Variants in USP24 observed in about 807,000 individuals in gnomAD.
The protein encoded by USP24 is ubiquitin carboxyl-terminal hydrolase 24.
USP24 carries 97 observed loss-of-function variants against 361.6 expected under a neutral mutation model. That is an observed-to-expected ratio of 0.27 (90% CI 0.23 to 0.32). The LOEUF is 0.32. Among genes scored for constraint, USP24 ranks in the 10% least tolerant of loss-of-function variants. The probability of loss-of-function intolerance (pLI) is 1.00; values close to 1 mark genes in which losing one functional copy is unlikely to be tolerated. For missense variants in USP24, 2,353 were observed against 3,165.6 expected, an observed-to-expected ratio of 0.74 and a Z score of 6.16; for synonymous variants, 1,098 against 1,124.6, an observed-to-expected ratio of 0.98 and a Z score of 0.47.
In USP24 at chr1:55,073,840, G is replaced by T; in HGVS notation, c.7514C>A (p.Thr2505Asn). Residue 2505 changes from threonine to asparagine, a missense_variant, in exon 64 of 68, where the codon ACT becomes AAT. Thr to Asn is a moderately conservative substitution (Grantham distance 65, BLOSUM62 0). Around this residue, in one of 8 missense-constraint regions of USP24, gnomAD observed 598 missense variants for 761.9 expected, o/e 0.78. Transcript: ENST00000294383. ...ATTCAATACTTACTTTTGAGCAAGA[G>T]TGACAAGAAATTTGACACACTGGTA... is the stretch of plus-strand genomic sequence containing the variant. ...RCYQCVKFLV[T>N]LAQKCPAAKE... The T allele has an allele frequency of 6.3e-7, 1 of 1,574,912 alleles. No homozygotes were observed. The highest frequency in any genetic ancestry group is 8.6e-7 in the Non-Finnish European group (1 of 1,159,310).
At chr1:55,180,499 C>T (rs898457657) in intron 1 of USP24, among the ~76,000 whole-genome samples, 1 of 152,184 alleles carries the variant, frequency 6.6e-6, no homozygotes, top group African/African-American at 2.4e-5. Context: ...ATCAAGTCAT[C>T]CCCAGACTTA....
intron 21 of USP24, 72 bp downstream of exon 21, chr1:55,144,055 C>CTT (rs201656425): frequency 8.3e-5 from 90 of 1,083,630 alleles, no homozygotes; most frequent in East Asian, 3.9e-4. Flanking sequence ...AATTATAACA[C>CTT]TTTTTTTTTT....
chr1:55,199,279 ACT>A (rs1335667647), intron 1 of USP24, among the ~76,000 whole-genome samples: 3 of 151,900 alleles, frequency 2.0e-5, no homozygotes, highest in East Asian at 1.9e-4. Flanking sequence ...ACAGAGCGAG[ACT>A]CTGTTTCCAA....
At chr1:55,125,211 A>G (rs1379355602) in intron 34 of USP24, 109 bp downstream of exon 34, 3 of 1,030,738 alleles carry the variant, frequency 2.9e-6, no homozygotes. Context: ...AAATTTCTTG[A>G]AGGCAATATT....
rs762196438 is a variant in USP24, at chr1:55,157,385, T to A, written c.1228-15A>T. The A allele has an allele frequency of 7.1e-7, 1 of 1,399,506 alleles. No individual in the cohort carries two copies. The highest frequency in any genetic ancestry group is 9.9e-7 in the Non-Finnish European group (1 of 1,011,804). The allele number at this position is 1,399,506 out of a possible 1,614,324, so 86.7% of individuals were successfully genotyped here. ...AGTTTGGTTACCTAAAAAGATAAGA[T>A]TATTGTGACTGAGTCTAATATACAT... On this transcript the variant is annotated splice_polypyrimidine_tract_variant and intron_variant, in intron 10 of 67. Transcript: ENST00000294383.
At chr1:55,192,993 T>C (rs945928481) in intron 1 of USP24, among the ~76,000 whole-genome samples, 6 of 152,212 alleles carry the variant, frequency 3.9e-5, no homozygotes, top group South Asian at 2.1e-4. Flanking sequence ...GTTCAACCAA[T>C]TGTGAACTGA....
At chr1:55,186,671 C>T (rs1644140823) in intron 1 of USP24, among the ~76,000 whole-genome samples, 1 of 152,042 alleles carries the variant, frequency 6.6e-6, no homozygotes, top group Admixed American at 6.5e-5. Flanking sequence ...CACAGAAAAA[C>T]AAATATTATA....
At chr1:55,163,514 G>A (rs1196583096) in intron 7 of USP24, among the ~76,000 whole-genome samples, 1 of 151,904 alleles carries the variant, frequency 6.6e-6, no homozygotes, top group Non-Finnish European at 1.5e-5. Context: ...AAATGCTCAA[G>A]TTCACAAGAA....
chr1:55,183,718 T>C (rs1415394663), intron 1 of USP24, among the ~76,000 whole-genome samples: 1 of 152,180 alleles, frequency 6.6e-6, no homozygotes, highest in Non-Finnish European at 1.5e-5. Context: ...GTTTGCAGAA[T>C]GAATTTTTAA....
chr1:55,214,870 C>CGCT lies in USP24; in HGVS notation c.243_244insAGC (p.Gly81_Gly82insSer), dbSNP rs1644947290. The CGCT allele has an allele frequency of 8.3e-7, 1 of 1,200,346 alleles. No individual in the cohort carries two copies. Among genetic ancestry groups the CGCT allele is most frequent in the African/African-American group, 1.6e-5 (1 of 62,290 alleles). 74.4% of individuals were successfully genotyped at this position (1,200,346 alleles called of 1,614,324 possible). ...CCGGTGCTCCCGCCGCGGGAGGGGC[C>CGCT]GCCGCCGCCGCCGTCACCTCCGCCG... On this transcript the variant is annotated inframe_insertion, in exon 1 of 68. Coordinates refer to ENST00000294383, the MANE Select transcript of USP24 (RefSeq NM_015306.3).
chr1:55,125,520 T>A lies in USP24; in HGVS notation c.3760A>T (p.Thr1254Ser). The change falls in exon 34 of 68, where the codon ACG becomes TCG. Residue 1254 changes from threonine (T) to serine (S), a missense_variant. By Grantham distance (58) the Thr-to-Ser change is moderately conservative. Coordinates refer to ENST00000294383, the MANE Select transcript of USP24 (RefSeq NM_015306.3). ...RFLLVGQTMP[T>S]LLDEDLTKDG... is the part of the protein sequence containing the mutation. ...TTGGTGAGGTCTTCATCTAATAACG[T>A]GGGCATTGTTTGTCCGACAAGTAAA... is the stretch of plus-strand genomic sequence containing the variant. The A allele has an allele frequency of 6.2e-7, 1 of 1,613,774 alleles. No individual in the cohort carries two copies. Among genetic ancestry groups the A allele is most frequent in the Non-Finnish European group, 8.5e-7 (1 of 1,179,702 alleles).
chr1:55,160,538 A>AAGT (rs1365172655), intron 8 of USP24, among the ~76,000 whole-genome samples: 4 of 152,200 alleles, frequency 2.6e-5, no homozygotes, highest in Non-Finnish European at 5.9e-5. Context: ...GAAGTCATAC[A>AAGT]AGTAGCAAGT....
At chr1:55,136,404 T>G (rs2100665093) in intron 28 of USP24, among the ~76,000 whole-genome samples, 1 of 152,254 alleles carries the variant, frequency 6.6e-6, no homozygotes, top group Admixed American at 6.5e-5. Flanking sequence ...GCTCTTATTC[T>G]GAGTGAGACA....
chr1:55,182,956 T>C (rs2100842874), intron 1 of USP24, among the ~76,000 whole-genome samples: 1 of 152,210 alleles, frequency 6.6e-6, no homozygotes, highest in East Asian at 1.9e-4. Context: ...TGACCGCAAG[T>C]GATCTGCCCG....
At position 55,083,815 on chromosome 1, in the gene USP24, T is replaced by G. The variant is rs750436218; in HGVS notation, c.6839A>C (p.Asn2280Thr). 3.1e-6 allele frequency: 5 copies of G among 1,604,216 alleles called. No homozygotes were observed. The East Asian group carries it at 1.1e-4, about 36-fold the overall frequency. ...GAACAGGAAAAAGTACTGAGCACAGTTTTTACAATTTTCTGGGACGTCTTT... is the reference window on the plus strand; with the variant it reads ...GAACAGGAAAAAGTACTGAGCACAGGTTTTACAATTTTCTGGGACGTCTTT... ...LDKDVPENCK[N>T]CAQYFFLFNT... Residue 2280 changes from asparagine to threonine, a missense_variant, in exon 57 of 68, where the codon AAC becomes ACC. Physicochemically the swap from Asn to Thr is moderately conservative, Grantham distance 65. Coordinates refer to ENST00000294383, the MANE Select transcript of USP24 (RefSeq NM_015306.3).
chr1:55,186,630 G>C (rs371674495), intron 1 of USP24, among the ~76,000 whole-genome samples: 2 of 152,182 alleles, frequency 1.3e-5, no homozygotes, highest in South Asian at 4.1e-4. Flanking sequence ...GGAAGATCTT[G>C]AAGATATTAT....
At chr1:55,083,387 A>G in intron 57 of USP24, 23 bp from the exon 58 acceptor site, 2 of 1,611,264 alleles carry the variant, frequency 1.2e-6, no homozygotes, top group East Asian at 4.5e-5. Context: ...ATTGAGAATA[A>G]CAAATTATAT....
chr1:55,134,184 AT>A lies in USP24; in HGVS notation c.3288-22del. The A allele has an allele frequency of 3.1e-6, 5 of 1,608,374 alleles. No individual in the cohort carries two copies. In the South Asian group the frequency reaches 4.4e-5, roughly 14 times the overall value. ...TTATCCTGAAGTTTTTCAAATACAAATTTTTTCATATAAGCCATAGTTTAAT... is the reference window on the plus strand; with the variant it reads ...TTATCCTGAAGTTTTTCAAATACAAATTTTTCATATAAGCCATAGTTTAAT... On this transcript the variant is annotated intron_variant, in intron 29 of 67. Coordinates refer to ENST00000294383, the MANE Select transcript of USP24 (RefSeq NM_015306.3).
intron 5 of USP24, among the ~76,000 whole-genome samples, chr1:55,169,070 A>T (rs548901325): frequency 1.4e-3 from 216 of 152,316 alleles, no homozygotes; most frequent in South Asian, 3.3e-3. Context: ...AGTAAGCATT[A>T]AACAAATTAG....
Sources: gnomAD v4.1 joint callset for allele counts (sites outside exome capture counted in the v4.1 genomes callset) on GRCh38, gnomAD v4.1.1 for gene constraint, gnomAD v4.1.1 regional missense constraint, MANE v1.5 for transcripts, NCBI Gene and HGNC (gene_info 2026-07-23, HGNC 2026-07-21) for gene names.